HIBCH: variants seen among roughly 807,000 people sequenced by gnomAD.
HIBCH encodes 3-hydroxyisobutyryl-CoA hydrolase.
HIBCH carries 50 observed loss-of-function variants against 58.2 expected under a neutral mutation model. The ratio of observed to expected loss-of-function variants is 0.86; its 90% CI spans 0.68 to 1.09. HIBCH has a LOEUF of 1.09. Among genes scored for constraint, HIBCH ranks in the 50% least tolerant of loss-of-function variants. The pLI, the probability that HIBCH is intolerant of heterozygous loss-of-function variation, is 0.00. For synonymous variants in HIBCH, 151 were observed against 146.9 expected (o/e 1.03, Z -0.20); for missense variants, 450 against 449.7 (o/e 1.00, Z -0.01).
chr2:190,213,658 CT>C (rs1690565563), intron 11 of HIBCH: 2 of 154,878 alleles, frequency 1.3e-5, no homozygotes, highest in African/African-American at 4.8e-5. Flanking sequence ...TCCTGCCCAG[CT>C]ACTTAGGTCA....
At chr2:190,282,843 CAA>C (rs58381283) in intron 6 of HIBCH, among the ~76,000 whole-genome samples, 97 of 140,270 alleles carry the variant, frequency 6.9e-4, no homozygotes, top group East Asian at 6.5e-3. Flanking sequence ...ACGAGAAGGC[CAA>C]AAAAAAAAAA....
intron 11 of HIBCH, among the ~76,000 whole-genome samples, chr2:190,235,347 C>A (rs1008382016): frequency 1.3e-5 from 2 of 152,170 alleles, no homozygotes; most frequent in African/African-American, 4.8e-5. Flanking sequence ...CGCAGTTTGT[C>A]AGTTTGCCAA....
At chr2:190,288,444 T>G (rs1687884038) in intron 5 of HIBCH, among the ~76,000 whole-genome samples, 1 of 150,766 alleles carries the variant, frequency 6.6e-6, no homozygotes, top group Admixed American at 6.7e-5. Context: ...TTCTACATAT[T>G]ATTTCTGGAG....
chr2:190,238,413 C>G (rs977492204), intron 11 of HIBCH, among the ~76,000 whole-genome samples: 1 of 152,154 alleles, frequency 6.6e-6, no homozygotes, highest in East Asian at 1.9e-4. Flanking sequence ...TTGCATTTCT[C>G]TAATGATCAA....
chr2:190,271,310 AG>A (rs1205758628), intron 6 of HIBCH, among the ~76,000 whole-genome samples: 2 of 104,206 alleles, frequency 1.9e-5, no homozygotes, highest in African/African-American at 3.8e-5. Flanking sequence ...TTTTTTTGAG[AG>A]GGAGTCTTGC....
chr2:190,285,103 T>C (rs1168461722), intron 6 of HIBCH, among the ~76,000 whole-genome samples: 1 of 152,224 alleles, frequency 6.6e-6, no homozygotes, highest in Non-Finnish European at 1.5e-5. Context: ...TCTGTAATAT[T>C]AAATTCATCT....
At chr2:190,288,832 A>T (rs1414210566) in intron 5 of HIBCH, among the ~76,000 whole-genome samples, 1 of 152,032 alleles carries the variant, frequency 6.6e-6, no homozygotes, top group African/African-American at 2.4e-5. Context: ...CTTACACCAC[A>T]CCAGGTGCGT....
At chr2:190,290,611 T>G (rs1036152983) in intron 4 of HIBCH, 126 bp from the exon 5 acceptor site, 2 of 695,724 alleles carry the variant, frequency 2.9e-6, no homozygotes, top group African/African-American at 3.6e-5. Flanking sequence ...TGTTAAAAGT[T>G]TTGAAGTTGC....
chr2:190,292,010 T>C (rs1257725385), intron 4 of HIBCH, among the ~76,000 whole-genome samples: 4 of 152,222 alleles, frequency 2.6e-5, no homozygotes, highest in Admixed American at 2.6e-4. Context: ...TGAGACAGAA[T>C]CTCGCTTTGT....
chr2:190,190,278 G>A (rs1344923354), intron 1 of HIBCH, among the ~76,000 whole-genome samples: 1 of 152,090 alleles, frequency 6.6e-6, no homozygotes, highest in Non-Finnish European at 1.5e-5. Flanking sequence ...TATTCATAGG[G>A]TCACTATTGT....
At position 190,209,040 on chromosome 2, in the gene HIBCH, A is replaced by G; in HGVS notation, c.1012-127T>C. 1 of 793,108 alleles carries G rather than the reference A, an allele frequency of 1.3e-6. No individual in the cohort carries two copies. The highest frequency in any genetic ancestry group is 1.4e-5 in the South Asian group (1 of 69,424). The allele number at this position is 793,108 out of a possible 1,614,324, so 49.1% of individuals were successfully genotyped here. On this transcript the variant is annotated intron_variant, in intron 12 of 13. Transcript: ENST00000359678. The surrounding 1 kb of genome is among the most constrained non-coding windows in gnomAD (Gnocchi z 5.6). ...ACAACCTGAACCATGACATTCAGAG[A>G]CTGAACCACCTCTGATAGCCCACTC...
intron 1 of HIBCH, among the ~76,000 whole-genome samples, chr2:190,192,951 G>A (rs1409732458): frequency 6.6e-6 from 1 of 152,008 alleles, no homozygotes; most frequent in East Asian, 1.9e-4. Context: ...TTTGTCATCT[G>A]CAAATAATGG....
At chr2:190,303,853 T>C (rs578238878) in intron 2 of HIBCH, among the ~76,000 whole-genome samples, 1 of 152,290 alleles carries the variant, frequency 6.6e-6, no homozygotes, top group Admixed American at 6.5e-5. Context: ...TACTCCCTGA[T>C]GCATTTGTCA....
intron 11 of HIBCH, among the ~76,000 whole-genome samples, chr2:190,226,037 G>A (rs1685881979): frequency 6.6e-6 from 1 of 152,032 alleles, no homozygotes; most frequent in African/African-American, 2.4e-5. Context: ...TGCAGAAAAG[G>A]GCTTCAACAA....
At chr2:190,199,555 C>A (rs1690145009), downstream of HIBCH, 2 of 287,214 alleles carry the variant, frequency 7.0e-6, no homozygotes, top group Non-Finnish European at 1.2e-5. Flanking sequence ...TCTTTTTCTT[C>A]TACTGATAAG....
At chr2:190,289,029 T>C (rs572368423) in intron 5 of HIBCH, among the ~76,000 whole-genome samples, 25 of 152,120 alleles carry the variant, frequency 1.6e-4, no homozygotes, top group Non-Finnish European at 3.4e-4. Flanking sequence ...GAGAATCACT[T>C]GAACCTGGGA....
At chr2:190,303,603 A>T (rs1214775553) in intron 2 of HIBCH, among the ~76,000 whole-genome samples, 1 of 152,184 alleles carries the variant, frequency 6.6e-6, no homozygotes, top group Non-Finnish European at 1.5e-5. Context: ...CAGAAAAAAT[A>T]AATGGAGGAG....
chr2:190,257,375 CA>C (rs1686955566), intron 7 of HIBCH, among the ~76,000 whole-genome samples: 1 of 151,688 alleles, frequency 6.6e-6, no homozygotes, highest in African/African-American at 2.4e-5. Context: ...GAAGAGCAAA[CA>C]AAATCTAAAA....
Position 190,195,943 on chromosome 2 carries a change from T to TTC in HIBCH, c.*18-5947_*18-5946insGA, listed in dbSNP as rs1239518093. Among the ~76,000 whole-genome samples the TTC allele has an allele frequency of 2.2e-3, 277 of 123,296 alleles. 5 individuals carry two copies. The highest frequency in any genetic ancestry group is 0.02 in the South Asian group (79 of 4,030). The allele number at this position is 123,296 out of a possible 152,430, so 80.9% of individuals were successfully genotyped here. A position where few individuals can be genotyped will look rare whatever the true frequency, so the allele number is the denominator to read the frequency against. ...AAGGGTTTAAGAACTGTGTCCAGCT[T>TTC]TTTTTTTTTTTTTTTTTTTGGCATA... On this transcript the variant is annotated intron_variant, in intron 1 of 1. Coordinates refer to the HIBCH transcript ENST00000399855.
Sources: gnomAD v4.1 joint callset for allele counts (sites outside exome capture counted in the v4.1 genomes callset) on GRCh38, gnomAD v4.1.1 for gene constraint, Gnocchi (gnomAD v3.1) non-coding constraint, MANE v1.5 for transcripts, NCBI Gene and HGNC (gene_info 2026-07-23, HGNC 2026-07-21) for gene names.